Variants in ITGAE observed in about 807,000 individuals in gnomAD.
ITGAE encodes integrin alpha-E.
A neutral mutation model predicts 136.5 loss-of-function variants in ITGAE; 99 were observed. The ratio of observed to expected loss-of-function variants is 0.73; its 90% CI spans 0.62 to 0.86. The LOEUF is 0.86. ITGAE is among the 40% of genes least tolerant of loss of function. The pLI is 0.00. For missense variants in ITGAE, 1,447 were observed against 1,515.3 expected (o/e 0.95, Z 0.75); for synonymous variants, 613 against 591.8 (o/e 1.04, Z -0.52).
chr17:3,759,173 C>T (rs1485581528), intron 8 of ITGAE, among the ~76,000 whole-genome samples: 1 of 152,036 alleles, frequency 6.6e-6, no homozygotes, highest in Admixed American at 6.6e-5. Flanking sequence ...TGAACCCAGC[C>T]AGCCTGTCCA....
intron 22 of ITGAE, 75 bp downstream of exon 22, chr17:3,732,293 T>C (rs759661632): frequency 3.3e-5 from 36 of 1,102,964 alleles, no homozygotes; most frequent in Non-Finnish European, 4.7e-5. Context: ...AACCGAGAGA[T>C]TGAGATGAGA....
chr17:3,760,264 C>G lies in ITGAE; in HGVS notation c.622G>C (p.Asp208His), dbSNP rs766714432. Reference protein sequence around the residue: ...EAGTEIAIILDGSGSIDPPDF... With the variant: ...EAGTEIAIILHGSGSIDPPDF... ...GGGGGATCAATGCTTCCTGAGCCAT[C>G]CAGGATGATGGCAATCTCGGTGCCT... The change falls in exon 7 of 31, where the codon GAT (aspartate) becomes CAT (histidine). Residue 208 changes from aspartate (D) to histidine (H), a missense_variant. By Grantham distance (81) the Asp-to-His change is moderately conservative. Coordinates refer to ENST00000263087, the MANE Select transcript of ITGAE (RefSeq NM_002208.5). 5.6e-6 allele frequency: 9 copies of G among 1,613,144 alleles called. No individual in the cohort carries two copies. Among genetic ancestry groups the G allele is most frequent in the Non-Finnish European group, 7.6e-6 (9 of 1,179,542 alleles).
At chr17:3,750,011 G>A (rs1193495847) in intron 16 of ITGAE, among the ~76,000 whole-genome samples, 2 of 151,958 alleles carry the variant, frequency 1.3e-5, no homozygotes, top group Non-Finnish European at 2.9e-5. Context: ...GGAAGACTCC[G>A]CCTCAGAAAA....
chr17:3,771,445 C>A (rs1180928109), intron 2 of ITGAE, among the ~76,000 whole-genome samples: 1 of 151,930 alleles, frequency 6.6e-6, no homozygotes, highest in African/African-American at 2.4e-5. Context: ...CGCCGCAGCT[C>A]ACGTGCCCTT....
intron 2 of ITGAE, among the ~76,000 whole-genome samples, chr17:3,768,206 C>A (rs575958344): frequency 1.4e-4 from 21 of 152,176 alleles, no homozygotes; most frequent in Non-Finnish European, 2.9e-5. Context: ...TTCACTGCAG[C>A]CTTGACCTCC....
At chr17:3,796,926 G>A (rs1051957221) in intron 1 of ITGAE, among the ~76,000 whole-genome samples, 11 of 151,998 alleles carry the variant, frequency 7.2e-5, no homozygotes, top group African/African-American at 1.9e-4. Context: ...CCGACACCCC[G>A]CCCAGAACAC....
chr17:3,795,919 GT>G (rs2053063995), intron 1 of ITGAE, among the ~76,000 whole-genome samples: 1 of 146,630 alleles, frequency 6.8e-6, no homozygotes, highest in African/African-American at 2.6e-5. Context: ...GCGCATCCGT[GT>G]GTGTGCATCC....
intron 19 of ITGAE, among the ~76,000 whole-genome samples, chr17:3,741,197 A>C (rs2737137): frequency 0.61 from 89,394 of 147,092 alleles, 28,380 homozygotes; most frequent in African/African-American, 0.82. Flanking sequence ...CCTGCCTCAG[A>C]CTCCCGAGTA....
intron 21 of ITGAE, among the ~76,000 whole-genome samples, chr17:3,733,205 G>C (rs542919294): frequency 2.2e-4 from 33 of 151,992 alleles, no homozygotes; most frequent in African/African-American, 8.0e-4. Context: ...GGCTGGTCTC[G>C]AACTCCTGAC....
chr17:3,795,958 TGTGTGTGC>T lies in ITGAE; in HGVS notation c.34+5145_34+5152del, dbSNP rs2053068783. 2.2e-5 allele frequency among the ~76,000 whole-genome samples: 3 copies of T among 136,432 alleles called. No homozygotes were observed. The Admixed American group carries it at 2.2e-4, about 10-fold the overall frequency. The allele number at this position is 136,432 out of a possible 152,430, so 89.5% of individuals were successfully genotyped here. On this transcript the variant is annotated intron_variant, in intron 1 of 30. Transcript: ENST00000263087. Reference sequence around the variant, plus strand: ...GTGTGTGCATCCGTGTGTGCATCCCTGTGTGTGCGTGTGTGCATCCGTGTGTGCATCTG... The same window carrying T: ...GTGTGTGCATCCGTGTGTGCATCCCTGTGTGTGCATCCGTGTGTGCATCTG...
At chr17:3,793,311 A>G (rs530061188) in intron 1 of ITGAE, among the ~76,000 whole-genome samples, 13 of 151,892 alleles carry the variant, frequency 8.6e-5, no homozygotes, top group Admixed American at 3.3e-4. Context: ...CTCAGCCTCC[A>G]AAGTGCTGGG....
Position 3,742,144 on chromosome 17 carries a change from T to A in ITGAE, c.2448+1345A>T, listed in dbSNP as rs1343553803. Among the ~76,000 whole-genome samples, 6 of 152,270 alleles carry A rather than the reference T, an allele frequency of 3.9e-5. No homozygotes were observed. In the East Asian group the frequency reaches 1.2e-3, roughly 29 times the overall value. On this transcript the variant is annotated intron_variant, in intron 19 of 30. Coordinates refer to ENST00000263087, the MANE Select transcript of ITGAE (RefSeq NM_002208.5). ...GAAATATCAGACAAATTGAGGAACA[T>A]TCTACAAAAGGACTGGCCTGTACCC...
At chr17:3,735,853 G>T (rs2051448167) in intron 20 of ITGAE, among the ~76,000 whole-genome samples, 1 of 152,112 alleles carries the variant, frequency 6.6e-6, no homozygotes. Context: ...TTTTATAGAA[G>T]AGGAAACAGA....
At position 3,757,000 on chromosome 17, in the gene ITGAE, G is replaced by A. The variant is rs745951125; in HGVS notation, c.1155C>T (p.Asn385=). 34 of 1,613,950 alleles carry A rather than the reference G, an allele frequency of 2.1e-5. No individual in the cohort carries two copies. The Middle Eastern group carries it at 4.9e-4, about 23-fold the overall frequency. Residue 385 remains asparagine (N), a synonymous_variant, in exon 10 of 31, where the codon AAC becomes AAT. Transcript: ENST00000263087. ...LDGLLSKLRY[N]IISMEGTVGD... Reference sequence around the variant, plus strand: ...AGCCCTCACCTTCCATGCTGATGATGTTGTACCGCAGTTTGCTCAGCAGCC... The same window carrying A: ...AGCCCTCACCTTCCATGCTGATGATATTGTACCGCAGTTTGCTCAGCAGCC...
At chr17:3,784,230 C>T (rs1348471531) in intron 1 of ITGAE, 4 of 268,456 alleles carry the variant, frequency 1.5e-5, no homozygotes, top group Admixed American at 5.4e-5. Flanking sequence ...ACTGCACTCC[C>T]GCCTGGGCAA....
intron 1 of ITGAE, among the ~76,000 whole-genome samples, chr17:3,795,562 A>G (rs2053045670): frequency 6.6e-6 from 1 of 152,208 alleles, no homozygotes; most frequent in Admixed American, 6.5e-5. Flanking sequence ...TTCTGTGTTT[A>G]TGCCCGATTT....
At chr17:3,793,145 C>T (rs996219794) in intron 1 of ITGAE, among the ~76,000 whole-genome samples, 48 of 152,098 alleles carry the variant, frequency 3.2e-4, no homozygotes, top group African/African-American at 1.0e-3. Context: ...CTCCGCCTCC[C>T]GGGTTCAAGC....
intron 28 of ITGAE, among the ~76,000 whole-genome samples, chr17:3,721,255 T>A (rs944223195): frequency 2.8e-5 from 4 of 143,212 alleles, no homozygotes; most frequent in African/African-American, 1.1e-4. Flanking sequence ...CGTAAGAGAT[T>A]TTTCCTTTTT....
At position 3,741,023 on chromosome 17, in the gene ITGAE, C is replaced by T. The variant is rs561139230; in HGVS notation, c.2449-1145G>A. Among the ~76,000 whole-genome samples, 12 of 149,878 alleles carry T rather than the reference C, an allele frequency of 8.0e-5. No individual in the cohort carries two copies. The Middle Eastern group carries it at 0.014, about 175-fold the overall frequency. Reference sequence around the variant, plus strand: ...GCCATTTGCAGAAGTCAAAGCGTGGCGCTCTCTCTAAGTGGGTCAACAGTT... The same window carrying T: ...GCCATTTGCAGAAGTCAAAGCGTGGTGCTCTCTCTAAGTGGGTCAACAGTT... On this transcript the variant is annotated intron_variant, in intron 19 of 30. Transcript: ENST00000263087.
Sources: gnomAD v4.1 joint callset for allele counts (sites outside exome capture counted in the v4.1 genomes callset) on GRCh38, gnomAD v4.1.1 for gene constraint, MANE v1.5 for transcripts, NCBI Gene and HGNC (gene_info 2026-07-23, HGNC 2026-07-21) for gene names.